The following SPSB4 variants were observed in gnomAD, a reference collection of about 807,000 sequenced individuals.
The protein encoded by SPSB4 is splA/ryanodine receptor domain and SOCS box containing 4, also known as SPRY domain-containing SOCS box protein 4.
Under a neutral mutation model 20.9 loss-of-function variants are expected in SPSB4, and 21 were observed. That is an observed-to-expected ratio of 1.01 (90% CI 0.71 to 1.45). The LOEUF (loss-of-function observed/expected upper bound fraction) is 1.45, where lower values mean the gene tolerates loss of function less well. Among genes scored for constraint, SPSB4 ranks in the 40% most tolerant of loss-of-function variants. The probability of loss-of-function intolerance (pLI) is 0.00; values close to 1 mark genes in which losing one functional copy is unlikely to be tolerated. For missense variants in SPSB4, 399 were observed against 399.2 expected, an observed-to-expected ratio of 1.00 and a Z score of 0.00; for synonymous variants, 207 against 183.8, an observed-to-expected ratio of 1.13 and a Z score of -1.02.
intron 2 of SPSB4, among the ~76,000 whole-genome samples, chr3:141,125,877 T>A (rs906447828): frequency 1.3e-5 from 2 of 152,226 alleles, no homozygotes; most frequent in Admixed American, 6.5e-5. Flanking sequence ...ATTCTCCTTG[T>A]CCAAGGCTTC....
At chr3:141,058,339 T>A (rs551265734) in intron 1 of SPSB4, among the ~76,000 whole-genome samples, 1 of 152,110 alleles carries the variant, frequency 6.6e-6, no homozygotes, top group East Asian at 1.9e-4. Context: ...CAAATTAGAG[T>A]TTTTGTTTTC....
In SPSB4 at chr3:141,066,771, A is replaced by C; in HGVS notation, c.667A>C (p.Thr223Pro). ...TGCCGTGTGGGGCCACTGTGAAGTC[A>C]CCATGCGCTACATCAACGGCCTTGA... ...VSAVWGHCEV[T>P]MRYINGLDPE... Residue 223 changes from threonine (T) to proline (P), a missense_variant, in exon 2 of 3, where the codon ACC becomes CCC. Coordinates refer to ENST00000310546, the MANE Select transcript of SPSB4 (RefSeq NM_080862.3). The C allele has an allele frequency of 6.4e-7, 1 of 1,567,118 alleles. No individual in the cohort carries two copies. Among genetic ancestry groups the C allele is most frequent in the African/African-American group, 1.4e-5 (1 of 73,740 alleles).
chr3:141,140,769 C>T (rs534112800), intron 2 of SPSB4, among the ~76,000 whole-genome samples: 3 of 151,806 alleles, frequency 2.0e-5, no homozygotes, highest in Admixed American at 6.6e-5. Flanking sequence ...TTAGGCTACT[C>T]GGGGGTCAGG....
chr3:141,075,677 C>G (rs1938091389), intron 2 of SPSB4, among the ~76,000 whole-genome samples: 1 of 152,044 alleles, frequency 6.6e-6, no homozygotes, highest in Non-Finnish European at 1.5e-5. Flanking sequence ...TCAAGGGCCC[C>G]CAATCACAGC....
At chr3:141,105,945 A>G (rs529142630) in intron 2 of SPSB4, among the ~76,000 whole-genome samples, 1 of 152,256 alleles carries the variant, frequency 6.6e-6, no homozygotes, top group Non-Finnish European at 1.5e-5. Flanking sequence ...TCCACACTAC[A>G]TGTGGTAACT....
intron 2 of SPSB4, among the ~76,000 whole-genome samples, chr3:141,081,972 A>G (rs1044687131): frequency 3.9e-5 from 6 of 152,134 alleles, no homozygotes; most frequent in Non-Finnish European, 8.8e-5. Flanking sequence ...GCTGTAGACC[A>G]TTTAGAGAAG....
chr3:141,059,156 A>T (rs1303328682), intron 1 of SPSB4, among the ~76,000 whole-genome samples: 1 of 152,120 alleles, frequency 6.6e-6, no homozygotes, highest in Non-Finnish European at 1.5e-5. Context: ...GGGTGGACAG[A>T]GGTACAGGGC....
intron 2 of SPSB4, among the ~76,000 whole-genome samples, chr3:141,142,506 T>C (rs552231902): frequency 4.6e-5 from 7 of 152,280 alleles, no homozygotes; most frequent in African/African-American, 1.7e-4. Flanking sequence ...AAGAAAAGAA[T>C]GTATATTCTG....
chr3:141,142,803 C>CTTTTTTTTTTTTTT lies in SPSB4; in HGVS notation c.695-4321_695-4308dup, dbSNP rs57674247. On this transcript the variant is annotated intron_variant, in intron 2 of 2. Coordinates refer to ENST00000310546, the MANE Select transcript of SPSB4 (RefSeq NM_080862.3). ...ATTATGATATAATGTCCCTCTTTGT[C>CTTTTTTTTTTTTTT]TTTTTTTTTTTTTTTTTTTTTTTTT... Among the ~76,000 whole-genome samples the CTTTTTTTTTTTTTT allele has an allele frequency of 8.1e-5, 5 of 62,034 alleles. 1 individual carries two copies. The highest frequency in any genetic ancestry group is 1.5e-4 in the African/African-American group (3 of 19,840). The allele number at this position is 62,034 out of a possible 152,430, so 40.7% of individuals were successfully genotyped here.
At chr3:141,100,294 T>G (rs1938596187) in intron 2 of SPSB4, among the ~76,000 whole-genome samples, 1 of 152,056 alleles carries the variant, frequency 6.6e-6, no homozygotes, top group Non-Finnish European at 1.5e-5. Context: ...ATTGCAGATG[T>G]AATAAGTTAA....
chr3:141,078,633 A>C (rs534795392), intron 2 of SPSB4, among the ~76,000 whole-genome samples: 1 of 152,354 alleles, frequency 6.6e-6, no homozygotes, highest in African/African-American at 2.4e-5. Context: ...CAATGTGTCC[A>C]TGCAACCTAA....
At chr3:141,064,074 C>A (rs1454416150) in intron 1 of SPSB4, among the ~76,000 whole-genome samples, 1 of 152,264 alleles carries the variant, frequency 6.6e-6, no homozygotes, top group Non-Finnish European at 1.5e-5. Flanking sequence ...AGACCACATG[C>A]CCTGTTCCCA....
chr3:141,140,487 G>C (rs534143360), intron 2 of SPSB4, among the ~76,000 whole-genome samples: 17 of 152,264 alleles, frequency 1.1e-4, no homozygotes, highest in Admixed American at 2.0e-4. Flanking sequence ...CTTTGATGAT[G>C]GTGACGTACA....
At position 141,071,605 on chromosome 3, in the gene SPSB4, G is replaced by GACAC. The variant is rs942126276; in HGVS notation, c.694+4809_694+4812dup. Among the ~76,000 whole-genome samples, 18 of 152,248 alleles carry GACAC rather than the reference G, an allele frequency of 1.2e-4. 1 individual carries two copies. The highest frequency in any genetic ancestry group is 3.4e-3 in the Middle Eastern group (1 of 294). ...GCCCAAGGCCACACAGCTAGCAAAT[G>GACAC]ACACAGCTGTGCTTATACCCAGCTC... On this transcript the variant is annotated intron_variant, in intron 2 of 2. Transcript: ENST00000310546.
intron 2 of SPSB4, among the ~76,000 whole-genome samples, chr3:141,072,820 C>A (rs1291103886): frequency 6.6e-6 from 1 of 152,134 alleles, no homozygotes. Flanking sequence ...GCCCCCCATC[C>A]GCTCCTGCTG....
intron 2 of SPSB4, among the ~76,000 whole-genome samples, chr3:141,068,085 G>T (rs1214767464): frequency 6.6e-6 from 1 of 152,146 alleles, no homozygotes; most frequent in Non-Finnish European, 1.5e-5. Context: ...AAGAAGTCAA[G>T]GACAAGATTT....
At chr3:141,074,763 C>T (rs909173101) in intron 2 of SPSB4, among the ~76,000 whole-genome samples, 13 of 152,304 alleles carry the variant, frequency 8.5e-5, no homozygotes, top group African/African-American at 9.6e-5. Context: ...GATGAGCTGC[C>T]GAGGTGGCGG....
At chr3:141,067,325 A>G (rs1185949551) in intron 2 of SPSB4, among the ~76,000 whole-genome samples, 1 of 152,178 alleles carries the variant, frequency 6.6e-6, no homozygotes, top group Non-Finnish European at 1.5e-5. Flanking sequence ...GAACACCCCA[A>G]TTCCAGCGCT....
chr3:141,065,308 C>T (rs905155331), intron 1 of SPSB4, among the ~76,000 whole-genome samples: 1 of 152,210 alleles, frequency 6.6e-6, no homozygotes, highest in African/African-American at 2.4e-5. Flanking sequence ...GTCCATGTCC[C>T]TGGTGACCCT....
Sources: allele counts gnomAD v4.1 joint callset (sites outside exome capture counted in the v4.1 genomes callset), GRCh38; gene constraint gnomAD v4.1.1; transcripts MANE v1.5; gene names NCBI Gene and HGNC (gene_info 2026-07-23, HGNC 2026-07-21).